The following ALK variants were observed in gnomAD, a reference collection of about 807,000 sequenced individuals.
The protein encoded by ALK is ALK tyrosine kinase receptor.
ALK carries 74 observed loss-of-function variants against 163.1 expected under a neutral mutation model. The observed-to-expected ratio is 0.45, with a 90% CI of 0.38 to 0.55. The LOEUF (loss-of-function observed/expected upper bound fraction) is 0.55, where lower values mean the gene tolerates loss of function less well. ALK is among the 20% of genes least tolerant of loss of function. ALK has a pLI of 0.00. For missense variants in ALK, 2,063 were observed against 2,105.3 expected, an observed-to-expected ratio of 0.98 and a Z score of 0.39; for synonymous variants, 960 against 843.2, an observed-to-expected ratio of 1.14 and a Z score of -2.40.
chr2:29,258,944 T>C (rs981561186), intron 11 of ALK, among the ~76,000 whole-genome samples: 1 of 152,186 alleles, frequency 6.6e-6, no homozygotes, highest in African/African-American at 2.4e-5. Context: ...AATATATATG[T>C]GCATGCATAT....
At chr2:29,732,381 AG>A (rs998358664) in intron 1 of ALK, among the ~76,000 whole-genome samples, 9 of 152,200 alleles carry the variant, frequency 5.9e-5, no homozygotes, top group Non-Finnish European at 1.2e-4. Flanking sequence ...TGAAATGGGC[AG>A]GGGGAGCCAA....
rs528746424 is a variant in ALK, at chr2:29,855,677, T to C, written c.667+64316A>G. Among the ~76,000 whole-genome samples, 29 of 152,334 alleles carry C rather than the reference T, an allele frequency of 1.9e-4. No homozygotes were observed. The South Asian group carries it at 6.0e-3, about 32-fold the overall frequency. On this transcript the variant is annotated intron_variant, in intron 1 of 28. Coordinates refer to ENST00000389048, the MANE Select transcript of ALK (RefSeq NM_004304.5). Reference sequence around the variant, plus strand: ...AAAGAAGTGAACACAGGAATTTCTATGTCCCGGTTCTTGTGTTAGAGCCAC... The same window carrying C: ...AAAGAAGTGAACACAGGAATTTCTACGTCCCGGTTCTTGTGTTAGAGCCAC...
intron 1 of ALK, among the ~76,000 whole-genome samples, chr2:29,813,269 A>C (rs1222607855): frequency 2.0e-5 from 3 of 152,174 alleles, no homozygotes; most frequent in African/African-American, 7.2e-5. Context: ...GAAGATTCAA[A>C]AATGTCTTTT....
At chr2:29,213,701 G>A (rs1337143225) in intron 24 of ALK, among the ~76,000 whole-genome samples, 3 of 152,156 alleles carry the variant, frequency 2.0e-5, no homozygotes, top group African/African-American at 7.2e-5. Flanking sequence ...AAAGCTGAAG[G>A]GGCCAGGAGC....
At chr2:29,655,923 T>C (rs2148257629) in intron 3 of ALK, among the ~76,000 whole-genome samples, 1 of 152,304 alleles carries the variant, frequency 6.6e-6, no homozygotes, top group South Asian at 2.1e-4. Flanking sequence ...GACTGGGTCA[T>C]AGGAGAAGAG....
At chr2:29,276,038 A>C (rs1408305410) in intron 9 of ALK, among the ~76,000 whole-genome samples, 5 of 152,200 alleles carry the variant, frequency 3.3e-5, no homozygotes, top group African/African-American at 1.2e-4. Context: ...CAGTTCCACC[A>C]GTTCCCCTTG....
chr2:29,881,579 CT>C (rs1356830047), intron 1 of ALK, among the ~76,000 whole-genome samples: 7 of 152,156 alleles, frequency 4.6e-5, no homozygotes, highest in Admixed American at 1.3e-4. Context: ...AGGCTGCTGG[CT>C]GTCTCCCCGC....
At chr2:29,323,157 A>G (rs922919859) in intron 6 of ALK, among the ~76,000 whole-genome samples, 3 of 152,162 alleles carry the variant, frequency 2.0e-5, no homozygotes, top group African/African-American at 7.2e-5. Context: ...ATTAGTGTCT[A>G]TTTTACTGAG....
In ALK at chr2:29,253,888, ATAGATAGG is replaced by A. The variant is rs1182062011; in HGVS notation, c.2042-2629_2042-2622del. 2.4e-3 allele frequency among the ~76,000 whole-genome samples: 329 copies of A among 138,584 alleles called. 1 individual carries two copies. The highest frequency in any genetic ancestry group is 9.0e-3 in the African/African-American group (278 of 30,784). The allele number at this position is 138,584 out of a possible 152,430, so 90.9% of individuals were successfully genotyped here. A position where few individuals can be genotyped will look rare whatever the true frequency, so the allele number is the denominator to read the frequency against. On this transcript the variant is annotated intron_variant, in intron 11 of 28. Transcript: ENST00000389048. Reference sequence around the variant, plus strand: ...GATAGATAGATAGATAGATAGATAGATAGATAGGTAGATAGCTGTGGTTTGGCTGTGTC... The same window carrying A: ...GATAGATAGATAGATAGATAGATAGATAGATAGCTGTGGTTTGGCTGTGTC...
intron 26 of ALK, among the ~76,000 whole-genome samples, chr2:29,199,335 C>G (rs1669102712): frequency 6.6e-6 from 1 of 152,074 alleles, no homozygotes; most frequent in African/African-American, 2.4e-5. Flanking sequence ...TTTTTAATGT[C>G]ATGATTTCCT....
At chr2:29,716,354 C>A (rs947239479) in intron 2 of ALK, among the ~76,000 whole-genome samples, 1 of 152,110 alleles carries the variant, frequency 6.6e-6, no homozygotes, top group African/African-American at 2.4e-5. Flanking sequence ...ATCTTCCATG[C>A]GATAGAATAA....
At chr2:29,774,593 G>C (rs1681119993) in intron 1 of ALK, among the ~76,000 whole-genome samples, 2 of 152,320 alleles carry the variant, frequency 1.3e-5, no homozygotes, top group African/African-American at 2.4e-5. Context: ...TCCTAGGGCA[G>C]AATCCAACCT....
intron 5 of ALK, among the ~76,000 whole-genome samples, chr2:29,342,505 T>C (rs1183133924): frequency 6.6e-6 from 1 of 152,224 alleles, no homozygotes; most frequent in African/African-American, 2.4e-5. Flanking sequence ...AAAAAAGTTC[T>C]GAAAATTGGT....
At chr2:29,472,421 C>T (rs76506806) in intron 4 of ALK, among the ~76,000 whole-genome samples, 5,793 of 152,238 alleles carry the variant, frequency 0.038, 144 homozygotes, top group Non-Finnish European at 0.056. Flanking sequence ...GGAACTGGAA[C>T]GGAAGGAAAC....
chr2:29,296,742 C>T (rs1394325459), intron 9 of ALK, 146 bp downstream of exon 9: 2 of 776,184 alleles, frequency 2.6e-6, no homozygotes, highest in Non-Finnish European at 2.1e-6. Context: ...TGTGTGTGTG[C>T]ACGTGCGTGC....
chr2:29,268,653 C>T (rs561612270), intron 11 of ALK, among the ~76,000 whole-genome samples: 64 of 152,242 alleles, frequency 4.2e-4, no homozygotes, highest in African/African-American at 1.3e-3. Flanking sequence ...TTGAATCTCC[C>T]GAGTGGAAAG....
chr2:29,623,131 A>G (rs1676082335), intron 3 of ALK, among the ~76,000 whole-genome samples: 1 of 152,234 alleles, frequency 6.6e-6, no homozygotes, highest in Non-Finnish European at 1.5e-5. Flanking sequence ...AATTGATTCA[A>G]GGTTCTTGGA....
At chr2:29,903,352 C>A (rs1667464114) in intron 1 of ALK, among the ~76,000 whole-genome samples, 1 of 152,082 alleles carries the variant, frequency 6.6e-6, no homozygotes, top group Admixed American at 6.6e-5. Context: ...TTTTAATATA[C>A]CACATTTATA....
At position 29,915,295 on chromosome 2, in the gene ALK, A is replaced by G. The variant is rs1667805408; in HGVS notation, c.667+4698T>C. On this transcript the variant is annotated intron_variant, in intron 1 of 28. Transcript: ENST00000389048. Reference sequence around the variant, plus strand: ...GTTGCCCAGGCTGAAGTGAGGTGGCACAATCTCAGCTCACTGAAACCTCCA... The same window carrying G: ...GTTGCCCAGGCTGAAGTGAGGTGGCGCAATCTCAGCTCACTGAAACCTCCA... 2.6e-5 allele frequency among the ~76,000 whole-genome samples: 4 copies of G among 152,346 alleles called. No homozygotes were observed. In the South Asian group the frequency reaches 6.2e-4, roughly 24 times the overall value.
Sources: gnomAD v4.1 joint callset for allele counts (sites outside exome capture counted in the v4.1 genomes callset) on GRCh38, gnomAD v4.1.1 for gene constraint, MANE v1.5 for transcripts, NCBI Gene and HGNC (gene_info 2026-07-23, HGNC 2026-07-21) for gene names.